TTLL13: variants seen among roughly 807,000 people sequenced by gnomAD.
TTLL13 encodes tubulin tyrosine ligase like 13, also known as tubulin polyglutamylase TTLL13.
chr15:90,263,274 C>T, the TTLL13 span: 108 of 832,764 alleles, frequency 1.3e-4, no homozygotes, highest in South Asian at 1.7e-3. Flanking sequence ...AAGCAGAGTG[C>T]GCTAGCTGGA....
the TTLL13 span, among the ~76,000 whole-genome samples, chr15:90,261,001 G>A: frequency 1.3e-5 from 2 of 152,066 alleles, no homozygotes; most frequent in Non-Finnish European, 2.9e-5. Flanking sequence ...TAATTGCATA[G>A]TAAGATTATG....
At chr15:90,264,866 G>T in the TTLL13 span, 1 of 1,536,010 alleles carries the variant, frequency 6.5e-7, no homozygotes. Context: ...GCCCTCCATG[G>T]TAAACTCTGA....
chr15:90,265,056 C>G, the TTLL13 span: 3 of 1,418,320 alleles, frequency 2.1e-6, no homozygotes, highest in Non-Finnish European at 1.9e-6. Context: ...TGACTGCCAC[C>G]AAGTTCCACT....
the TTLL13 span, among the ~76,000 whole-genome samples, chr15:90,256,545 T>TTTTCTTTCTTTCTTTCTTTCTTTC: frequency 1.9e-5 from 2 of 105,392 alleles, no homozygotes; most frequent in African/African-American, 3.2e-5. Flanking sequence ...TCTCCTTCCT[T>TTTTCTTTCTTTCTTTCTTTCTTTC]TTTCTTTCTT....
the TTLL13 span, chr15:90,264,755 C>A: frequency 1.8e-5 from 28 of 1,535,968 alleles, no homozygotes; most frequent in African/African-American, 1.8e-4. Context: ...AGCCATAAAC[C>A]GAGTCCTGGC....
the TTLL13 span, chr15:90,257,221 T>G: frequency 6.2e-7 from 1 of 1,613,406 alleles, no homozygotes; most frequent in Non-Finnish European, 8.5e-7. Context: ...TCTTCACATA[T>G]GAGGAGGGCC....
At chr15:90,263,504 C>A in the TTLL13 span, 2 of 517,748 alleles carry the variant, frequency 3.9e-6, no homozygotes, top group Non-Finnish European at 6.8e-6. Context: ...TGCCAGTGCC[C>A]CAGCTCTAAT....
the TTLL13 span, among the ~76,000 whole-genome samples, chr15:90,259,256 G>T: frequency 6.6e-6 from 1 of 151,986 alleles, no homozygotes; most frequent in Non-Finnish European, 1.5e-5. Context: ...GCTGGGCATG[G>T]TGACATGCCT....
At chr15:90,250,652 A>G in the TTLL13 span, 3 of 1,613,940 alleles carry the variant, frequency 1.9e-6, no homozygotes, top group African/African-American at 2.7e-5. Context: ...TACCTGTAGG[A>G]CCATGGAATC....
chr15:90,256,545 T>TTTTCTTTC, the TTLL13 span, among the ~76,000 whole-genome samples: 2,083 of 105,276 alleles, frequency 0.02, 48 homozygotes, highest in East Asian at 0.035. Flanking sequence ...TCTCCTTCCT[T>TTTTCTTTC]TTTCTTTCTT....
At chr15:90,261,955 C>T in the TTLL13 span, 1 of 1,426,626 alleles carries the variant, frequency 7.0e-7, no homozygotes, top group Non-Finnish European at 9.3e-7. Context: ...CCTTTCCCTA[C>T]TGAACATTCC....
the TTLL13 span, among the ~76,000 whole-genome samples, chr15:90,256,570 T>C: frequency 0.037 from 1,335 of 35,656 alleles, 35 homozygotes; most frequent in East Asian, 0.13. Flanking sequence ...TCTTTCTTTC[T>C]TTCTTTCTTT....
the TTLL13 span, among the ~76,000 whole-genome samples, chr15:90,254,758 A>C: frequency 6.6e-6 from 1 of 152,032 alleles, no homozygotes; most frequent in Non-Finnish European, 1.5e-5. Flanking sequence ...AGGCAGGAGG[A>C]TCTCTTGAGC....
chr15:90,258,260 G>A, the TTLL13 span: 1 of 1,614,118 alleles, frequency 6.2e-7, no homozygotes, highest in Non-Finnish European at 8.5e-7. Context: ...TGAAGCCCTG[G>A]CTGCTAGAGG....
At chr15:90,250,253 G>A in the TTLL13 span, among the ~76,000 whole-genome samples, 3 of 152,068 alleles carry the variant, frequency 2.0e-5, no homozygotes, top group Admixed American at 6.6e-5. Flanking sequence ...ATTTTAAAGC[G>A]AAGGTCCCCC....
chr15:90,251,280 A>ATTTTTTT, the TTLL13 span, among the ~76,000 whole-genome samples: 458 of 109,448 alleles, frequency 4.2e-3, 9 homozygotes, highest in African/African-American at 7.2e-3. Flanking sequence ...CGCATGGCAA[A>ATTTTTTT]TTTTTTTTTT....
At chr15:90,256,606 T>TTCCTTTCC in the TTLL13 span, among the ~76,000 whole-genome samples, 6 of 30,510 alleles carry the variant, frequency 2.0e-4, no homozygotes, top group Non-Finnish European at 2.5e-4. Context: ...TCTTTCTTTC[T>TTCCTTTCC]TTCCTTCCTT....
the TTLL13 span, chr15:90,265,413 G>A: frequency 7.9e-7 from 1 of 1,271,076 alleles, no homozygotes. Flanking sequence ...CTGGGCAGCC[G>A]CTGGGGCGGA....
At chr15:90,261,843 T>C in the TTLL13 span, among the ~76,000 whole-genome samples, 10 of 152,212 alleles carry the variant, frequency 6.6e-5, no homozygotes, top group South Asian at 4.1e-4. Flanking sequence ...GCTACCCACA[T>C]GTGGGGCTAG....
Sources: gnomAD v4.1 joint callset for allele counts (sites outside exome capture counted in the v4.1 genomes callset) on GRCh38, gnomAD v4.1.1 for gene constraint, MANE v1.5 for transcripts, NCBI Gene and HGNC (gene_info 2026-07-23, HGNC 2026-07-21) for gene names.